The following PCDH17 variants were observed in gnomAD, a reference collection of about 807,000 sequenced individuals.
PCDH17 encodes protocadherin 17.
Under a neutral mutation model 67.7 loss-of-function variants are expected in PCDH17, and 21 were observed. That is an observed-to-expected ratio of 0.31 (90% confidence interval 0.22 to 0.45). PCDH17 has a LOEUF of 0.45. Ranked by LOEUF, PCDH17 falls within the 20% of genes least tolerant of loss-of-function variation. The pLI is 1.00. For missense variants in PCDH17, 1,471 were observed against 1,564.8 expected (o/e 0.94, Z 1.01); for synonymous variants, 701 against 656.7 (o/e 1.07, Z -1.03).
intron 3 of PCDH17, among the ~76,000 whole-genome samples, chr13:57,714,143 A>G (rs1320916981): frequency 6.6e-6 from 1 of 151,762 alleles, no homozygotes; most frequent in African/African-American, 2.4e-5. Flanking sequence ...TGATTGCTAA[A>G]TAATAAGCCA....
Position 57,633,046 on chromosome 13 carries a change from G to A in PCDH17, c.500G>A (p.Arg167His). Residue 167 changes from arginine (R) to histidine (H), a missense_variant, in exon 1 of 4, where the codon CGC becomes CAC. By Grantham distance (29) the Arg-to-His change is conservative (BLOSUM62 0). This residue lies in a region of PCDH17 where 1,163 missense variants were observed against 1,230.0 expected (regional missense o/e 0.95). Transcript: ENST00000377918. This position sits in a 1 kb window ranked among gnomAD's most constrained non-coding sequence, Gnocchi z 6.2. ...CCCGACGCCGGCGAGAATGGGCTCC[G>A]CACCTACCTGCTCACGCGCGACGAT... The part of the protein sequence containing the change: ...HDPDAGENGL[R>H]TYLLTRDDHG... The A allele has an allele frequency of 6.2e-7, 1 of 1,612,806 alleles. No homozygotes were observed. The highest frequency in any genetic ancestry group is 1.7e-5 in the Admixed American group (1 of 59,990).
intron 3 of PCDH17, among the ~76,000 whole-genome samples, chr13:57,693,536 C>CAT (rs1369433168): frequency 2.4e-4 from 36 of 149,550 alleles, no homozygotes; most frequent in Admixed American, 1.0e-3. Context: ...AGTCAAATTT[C>CAT]ATATATACAA....
chr13:57,699,531 A>G (rs1955643181), intron 3 of PCDH17, among the ~76,000 whole-genome samples: 1 of 151,592 alleles, frequency 6.6e-6, no homozygotes, highest in Admixed American at 6.6e-5. Flanking sequence ...ATGCCTTTTT[A>G]TCCTTCTTTT....
At chr13:57,703,622 A>G (rs1048614101) in intron 3 of PCDH17, among the ~76,000 whole-genome samples, 2 of 152,092 alleles carry the variant, frequency 1.3e-5, no homozygotes, top group Non-Finnish European at 2.9e-5. Context: ...CTGAGTTAGT[A>G]TTCTCTTTTT....
In PCDH17 at chr13:57,683,717, C is replaced by T. The variant is rs371035132; in HGVS notation, c.2797+16884C>T. Reference sequence around the variant, plus strand: ...TAAATATTCCTCAGGACTCAGAAACCGCCTTTCCTATTACTGTACCCAGAA... The same window carrying T: ...TAAATATTCCTCAGGACTCAGAAACTGCCTTTCCTATTACTGTACCCAGAA... On this transcript the variant is annotated intron_variant, in intron 3 of 3. Transcript: ENST00000377918. 1.5e-3 allele frequency among the ~76,000 whole-genome samples: 221 copies of T among 151,842 alleles called. 1 individual carries two copies. Among genetic ancestry groups the T allele is most frequent in the Non-Finnish European group, 2.5e-3 (170 of 67,854 alleles).
chr13:57,711,974 G>A (rs1955781002), intron 3 of PCDH17, among the ~76,000 whole-genome samples: 1 of 150,980 alleles, frequency 6.6e-6, no homozygotes, highest in South Asian at 2.1e-4. Flanking sequence ...TTTATTTTTA[G>A]TAATAAAACA....
intron 3 of PCDH17, among the ~76,000 whole-genome samples, chr13:57,701,268 GT>G (rs1215506034): frequency 1.4e-5 from 2 of 147,504 alleles, no homozygotes; most frequent in Admixed American, 1.3e-4. Flanking sequence ...TATCTCCCCC[GT>G]TTGTTTGTTT....
At chr13:57,689,229 T>C (rs886920133) in intron 3 of PCDH17, among the ~76,000 whole-genome samples, 1 of 152,006 alleles carries the variant, frequency 6.6e-6, no homozygotes, top group Non-Finnish European at 1.5e-5. Context: ...AATATGTCAT[T>C]CTAGTCAACA....
In PCDH17 at chr13:57,704,273, G is replaced by T. The variant is rs939106460; in HGVS notation, c.2798-20339G>T. 5.9e-5 allele frequency among the ~76,000 whole-genome samples: 9 copies of T among 152,194 alleles called. No homozygotes were observed. The South Asian group carries it at 1.7e-3, about 28-fold the overall frequency. On this transcript the variant is annotated intron_variant, in intron 3 of 3. Transcript: ENST00000377918. ...CTTTGTAGCCATTGTCAAGGATAAT[G>T]ATGATTACATGGCTTATTATGTCTT...
At chr13:57,676,865 T>C (rs548019720) in intron 3 of PCDH17, among the ~76,000 whole-genome samples, 2 of 152,046 alleles carry the variant, frequency 1.3e-5, no homozygotes, top group Admixed American at 6.6e-5. Context: ...ACTGAGCTGG[T>C]TGTATTTTAT....
chr13:57,661,296 A>G (rs972447034), intron 1 of PCDH17, among the ~76,000 whole-genome samples: 2 of 152,032 alleles, frequency 1.3e-5, no homozygotes, highest in Non-Finnish European at 2.9e-5. Context: ...CCATCAATAT[A>G]TTCTATATGA....
intron 3 of PCDH17, among the ~76,000 whole-genome samples, chr13:57,676,300 G>A (rs1955390602): frequency 6.6e-6 from 1 of 151,848 alleles, no homozygotes; most frequent in Non-Finnish European, 1.5e-5. Flanking sequence ...TATAAAACTT[G>A]ATGTGTTATT....
At chr13:57,645,666 G>A (rs1272392911) in intron 1 of PCDH17, among the ~76,000 whole-genome samples, 1 of 150,816 alleles carries the variant, frequency 6.6e-6, no homozygotes, top group Non-Finnish European at 1.5e-5. Context: ...AGCTCTCCCA[G>A]TATTTGTTTA....
At chr13:57,669,087 G>C (rs1224510939) in intron 3 of PCDH17, among the ~76,000 whole-genome samples, 1 of 151,784 alleles carries the variant, frequency 6.6e-6, no homozygotes, top group Non-Finnish European at 1.5e-5. Flanking sequence ...GAGAACATGC[G>C]GTGTTTGGTT....
chr13:57,720,072 A>AT (rs1955860074), intron 3 of PCDH17, among the ~76,000 whole-genome samples: 1 of 151,962 alleles, frequency 6.6e-6, no homozygotes, highest in Non-Finnish European at 1.5e-5. Context: ...TTATCTAAGT[A>AT]TTTTTTCCTC....
chr13:57,662,393 A>C (rs1651796231), intron 1 of PCDH17, among the ~76,000 whole-genome samples: 1 of 152,162 alleles, frequency 6.6e-6, no homozygotes, highest in Non-Finnish European at 1.5e-5. Flanking sequence ...ATATCTCTCC[A>C]TTTATTTAGG....
intron 3 of PCDH17, among the ~76,000 whole-genome samples, chr13:57,695,442 A>C (rs2138067678): frequency 6.6e-6 from 1 of 151,208 alleles, no homozygotes; most frequent in Middle Eastern, 3.4e-3. Context: ...AAAGAAAGAA[A>C]GAAAGAAAAG....
At chr13:57,700,195 G>A (rs942893045) in intron 3 of PCDH17, among the ~76,000 whole-genome samples, 1 of 151,864 alleles carries the variant, frequency 6.6e-6, no homozygotes, top group Admixed American at 6.6e-5. Flanking sequence ...TTCTTATTTT[G>A]CCCCTAAGTT....
chr13:57,633,489 G>T lies in PCDH17; in HGVS notation c.943G>T (p.Gly315Trp). 3 of 1,613,896 alleles carry T rather than the reference G, an allele frequency of 1.9e-6. No individual in the cohort carries two copies. The highest frequency in any genetic ancestry group is 2.5e-6 in the Non-Finnish European group (3 of 1,180,036). The change falls in exon 1 of 4, where the codon GGG (glycine) becomes TGG (tryptophan). Residue 315 changes from glycine to tryptophan, a missense_variant. By Grantham distance (184) the Gly-to-Trp change is radical (BLOSUM62 -2). Around this residue, in one of 3 missense-constraint regions of PCDH17, gnomAD observed 1,163 missense variants for 1,230.0 expected, o/e 0.95. Coordinates refer to ENST00000377918, the MANE Select transcript of PCDH17 (RefSeq NM_001040429.3). The surrounding 1 kb of genome is among the most constrained non-coding windows in gnomAD (Gnocchi z 6.2). The part of the protein sequence containing the change: ...VKGNLDYEEN[G>W]MLEIDVQARD... ...GGGCAATCTGGACTATGAGGAAAACGGGATGCTGGAGATTGACGTGCAGGC... is the reference window on the plus strand; with the variant it reads ...GGGCAATCTGGACTATGAGGAAAACTGGATGCTGGAGATTGACGTGCAGGC...
Sources: allele counts gnomAD v4.1 joint callset (sites outside exome capture counted in the v4.1 genomes callset), GRCh38; gene constraint gnomAD v4.1.1; regional missense constraint gnomAD v4.1.1; non-coding constraint Gnocchi (gnomAD v3.1); transcripts MANE v1.5; gene names NCBI Gene and HGNC (gene_info 2026-07-23, HGNC 2026-07-21).